CATSPERB: variants seen among roughly 807,000 people sequenced by gnomAD.
CATSPERB encodes catsper channel auxiliary subunit beta.
A neutral mutation model predicts 128.3 loss-of-function variants in CATSPERB; 93 were observed. That is an observed-to-expected ratio of 0.72 (90% confidence interval 0.61 to 0.86). CATSPERB has a LOEUF of 0.86. Ranked by LOEUF, CATSPERB falls within the 40% of genes least tolerant of loss-of-function variation. The probability of loss-of-function intolerance (pLI) is 0.00; values close to 1 mark genes in which losing one functional copy is unlikely to be tolerated. For missense variants in CATSPERB, 1,153 were observed against 1,329.5 expected (o/e 0.87, Z 2.06); for synonymous variants, 381 against 448.8 (o/e 0.85, Z 1.91).
intron 7 of CATSPERB, among the ~76,000 whole-genome samples, chr14:91,696,387 T>TG (rs772138394): frequency 3.2e-4 from 49 of 152,192 alleles, no homozygotes; most frequent in South Asian, 8.3e-4. Flanking sequence ...TGGTCGACCC[T>TG]GTTAAATGCT....
At chr14:91,585,856 G>A (rs1893288063) in intron 26 of CATSPERB, among the ~76,000 whole-genome samples, 2 of 152,214 alleles carry the variant, frequency 1.3e-5, no homozygotes, top group East Asian at 1.9e-4. Flanking sequence ...TATGTTGGGA[G>A]ATTCTGGTTC....
At chr14:91,620,028 G>C (rs1212275172) in intron 19 of CATSPERB, among the ~76,000 whole-genome samples, 4 of 151,910 alleles carry the variant, frequency 2.6e-5, no homozygotes, top group African/African-American at 9.7e-5. Flanking sequence ...GAGACACCAT[G>C]CTTGACCCCT....
chr14:91,662,687 G>A (rs1442921330), intron 14 of CATSPERB, among the ~76,000 whole-genome samples: 2 of 152,130 alleles, frequency 1.3e-5, no homozygotes, highest in Non-Finnish European at 2.9e-5. Flanking sequence ...AAGAAATCGT[G>A]TTGACCTACA....
chr14:91,660,030 G>T (rs762274803), intron 14 of CATSPERB, 49 bp from the exon 15 acceptor site: 4 of 1,507,358 alleles, frequency 2.7e-6, no homozygotes, highest in Non-Finnish European at 3.5e-6. Flanking sequence ...CCATGCAACA[G>T]TTGGCAGTTA....
At chr14:91,675,422 G>A (rs960353700) in intron 11 of CATSPERB, among the ~76,000 whole-genome samples, 1 of 152,220 alleles carries the variant, frequency 6.6e-6, no homozygotes, top group Non-Finnish European at 1.5e-5. Context: ...AACTGGATAA[G>A]TCAACTGGAA....
At chr14:91,677,346 G>A (rs1427308556) in intron 11 of CATSPERB, among the ~76,000 whole-genome samples, 16 of 151,776 alleles carry the variant, frequency 1.1e-4, no homozygotes, top group Non-Finnish European at 1.5e-5. Context: ...AATCTACAAG[G>A]AACTTAAACA....
Position 91,587,198 on chromosome 14 carries a change from T to C in CATSPERB, c.3132+4A>G. The stretch of plus-strand genomic sequence containing the variant: ...CCCTCTGATGCCAAGTGCATCCATT[T>C]TACCTGAAATTCTTCAATTAAGTTA... On this transcript the variant is annotated splice_donor_region_variant and intron_variant, in intron 26 of 26. Transcript: ENST00000256343. 1 of 1,597,512 alleles carries C rather than the reference T, an allele frequency of 6.3e-7. No homozygotes were observed. The highest frequency in any genetic ancestry group is 8.5e-7 in the Non-Finnish European group (1 of 1,172,674).
intron 5 of CATSPERB, among the ~76,000 whole-genome samples, chr14:91,714,748 T>C (rs1053143853): frequency 6.6e-6 from 1 of 151,854 alleles, no homozygotes; most frequent in Non-Finnish European, 1.5e-5. Flanking sequence ...TTAGTAGAGA[T>C]GGGGTTTCGC....
intron 15 of CATSPERB, among the ~76,000 whole-genome samples, chr14:91,649,331 A>ATG (rs55880138): frequency 0.037 from 5,402 of 147,368 alleles, 182 homozygotes; most frequent in African/African-American, 0.097. Flanking sequence ...GTATACATAT[A>ATG]TGTGTGTGTG....
rs755230451 is a variant in CATSPERB, at chr14:91,591,976, A to G, written c.2736T>C (p.Ala912=). The G allele has an allele frequency of 6.2e-7, 1 of 1,613,824 alleles. No homozygotes were observed. The highest frequency in any genetic ancestry group is 1.7e-5 in the Admixed American group (1 of 60,016). The part of the protein sequence containing the change: ...SKKTGKFKQC[A]NVSTREECNC... ...TACACTCCTCCCGAGTGGAAACATT[A>G]GCACACTGTTTGAATTTACCGGTTT... Residue 912 remains alanine, a synonymous_variant, in exon 23 of 27, where the codon GCT becomes GCC. Transcript: ENST00000256343.
intron 23 of CATSPERB, among the ~76,000 whole-genome samples, chr14:91,591,274 C>T (rs908532088): frequency 5.9e-5 from 9 of 152,040 alleles, no homozygotes; most frequent in Admixed American, 4.6e-4. Context: ...AGACTGGTTT[C>T]GAACTCCTGA....
rs900958408 is a variant in CATSPERB at position 91,661,942 on chromosome 14, T to C, written c.1288-1961A>G. On this transcript the variant is annotated intron_variant, in intron 14 of 26. Transcript: ENST00000256343. ...TTCCCCAAACCTCACCAATACTTGATATGACCAAAAATTTATTTTTAATTT... is the reference window on the plus strand; with the variant it reads ...TTCCCCAAACCTCACCAATACTTGACATGACCAAAAATTTATTTTTAATTT... Among the ~76,000 whole-genome samples, 8 of 152,194 alleles carry C rather than the reference T, an allele frequency of 5.3e-5. No homozygotes were observed. In the East Asian group the frequency reaches 1.5e-3, roughly 29 times the overall value.
intron 14 of CATSPERB, among the ~76,000 whole-genome samples, chr14:91,660,700 G>A (rs1309751854): frequency 1.3e-5 from 2 of 152,100 alleles, no homozygotes; most frequent in African/African-American, 4.8e-5. Flanking sequence ...CAAGAAAATA[G>A]GCTTTTCTTA....
At chr14:91,730,564 G>A (rs1184336314) in intron 1 of CATSPERB, among the ~76,000 whole-genome samples, 1 of 152,152 alleles carries the variant, frequency 6.6e-6, no homozygotes, top group African/African-American at 2.4e-5. Context: ...GGGACAGGAG[G>A]TACTGGAGTG....
rs12587766 is a variant in CATSPERB at position 91,630,545 on chromosome 14, C to T, written c.1743-5538G>A. 3.7e-3 allele frequency among the ~76,000 whole-genome samples: 556 copies of T among 152,276 alleles called. 29 individuals are homozygous for T. The East Asian group carries it at 0.079, about 22-fold the overall frequency. On this transcript the variant is annotated intron_variant, in intron 17 of 26. Coordinates refer to ENST00000256343, the MANE Select transcript of CATSPERB (RefSeq NM_024764.4). ...TTTTCGTCTCGGAAAATGGCGGTAG[C>T]GTCCTTCTAGCTACAAACCACAAAC...
intron 20 of CATSPERB, among the ~76,000 whole-genome samples, chr14:91,611,379 G>T (rs1893823283): frequency 6.6e-6 from 1 of 152,218 alleles, no homozygotes; most frequent in Admixed American, 6.5e-5. Context: ...GGAGGCTGAG[G>T]TGGGTGGATC....
intron 14 of CATSPERB, among the ~76,000 whole-genome samples, chr14:91,665,976 G>C (rs967847558): frequency 6.6e-6 from 1 of 152,214 alleles, no homozygotes; most frequent in Non-Finnish European, 1.5e-5. Context: ...CCAGGTGGAA[G>C]TGATTGGATC....
intron 15 of CATSPERB, chr14:91,646,293 T>C (rs12882555): frequency 0.29 from 44,725 of 152,782 alleles, 7,432 homozygotes; most frequent in East Asian, 0.48. Flanking sequence ...AGAAATCCTA[T>C]TGACTCTAGC....
chr14:91,685,779 A>T (rs1895363341), intron 10 of CATSPERB, among the ~76,000 whole-genome samples: 1 of 152,214 alleles, frequency 6.6e-6, no homozygotes, highest in South Asian at 2.1e-4. Flanking sequence ...ATGTTAGCAC[A>T]TTCAGGGAAG....
Sources: allele counts gnomAD v4.1 joint callset (sites outside exome capture counted in the v4.1 genomes callset), GRCh38; gene constraint gnomAD v4.1.1; transcripts MANE v1.5; gene names NCBI Gene and HGNC (gene_info 2026-07-23, HGNC 2026-07-21).